Variants in NOS1 observed in about 807,000 individuals in gnomAD.
NOS1 encodes the protein nitric oxide synthase 1.
In NOS1, 51 loss-of-function variants were observed where a neutral mutation model predicts 164.5. The ratio of observed to expected loss-of-function variants is 0.31; its 90% confidence interval spans 0.25 to 0.39. The LOEUF is 0.39. NOS1 is among the 10% of genes least tolerant of loss of function. The pLI is 1.00. For missense variants in NOS1, 1,362 were observed against 1,885.6 expected (o/e 0.72, Z 5.14); for synonymous variants, 719 against 745.8 (o/e 0.96, Z 0.59).
chr12:117,223,724 G>A (rs992356202), intron 25 of NOS1, among the ~76,000 whole-genome samples: 1 of 151,874 alleles, frequency 6.6e-6, no homozygotes, highest in Non-Finnish European at 1.5e-5. Context: ...GCACTATCTC[G>A]GCTCACTGCA....
At position 117,227,477 on chromosome 12, in the gene NOS1, A is replaced by G. The variant is rs1868803036; in HGVS notation, c.3570T>C (p.Pro1190=). ...YSISSSPDMY[P]DEVHLTVAIV... ...TGGCCACAGTGAGGTGCACTTCATC[A>G]GGGTACATGTCTGGGGAGGAGCTGA... Residue 1190 remains proline (P), a synonymous_variant, in exon 23 of 29, where the codon CCT becomes CCC. Transcript: ENST00000317775. 6.2e-7 allele frequency: 1 copy of G among 1,613,502 alleles called. No individual in the cohort carries two copies.
chr12:117,330,293 C>G lies in NOS1; in HGVS notation c.725+52G>C. On this transcript the variant is annotated intron_variant, in intron 2 of 28. Transcript: ENST00000317775. This position sits in a 1 kb window ranked among gnomAD's most constrained non-coding sequence, Gnocchi z 4.6. ...CTCAGTAGACGCACATGCACACACA[C>G]AAGCATGCACACACACACACACACA... 6.8e-7 allele frequency: 1 copy of G among 1,464,574 alleles called. No homozygotes were observed. The highest frequency in any genetic ancestry group is 9.0e-7 in the Non-Finnish European group (1 of 1,107,102). 90.7% of individuals were successfully genotyped at this position (1,464,574 alleles called of 1,614,324 possible). A position where few individuals can be genotyped will look rare whatever the true frequency, so the allele number is the denominator to read the frequency against.
chr12:117,318,168 TCA>T (rs141152337), intron 2 of NOS1, among the ~76,000 whole-genome samples: 6 of 151,602 alleles, frequency 4.0e-5, no homozygotes, highest in East Asian at 3.9e-4. Context: ...ACAGACCCTG[TCA>T]CACACACACA....
chr12:117,293,081 G>A (rs563151846), intron 3 of NOS1, among the ~76,000 whole-genome samples: 49 of 152,316 alleles, frequency 3.2e-4, no homozygotes, highest in Non-Finnish European at 5.1e-4. Flanking sequence ...CCTGAGTTAA[G>A]AGAACTATCA....
intron 3 of NOS1, among the ~76,000 whole-genome samples, chr12:117,297,929 A>G (rs1566064552): frequency 6.6e-6 from 1 of 152,012 alleles, no homozygotes; most frequent in Non-Finnish European, 1.5e-5. Context: ...AAGACATACA[A>G]CATCTTAGGA....
intron 13 of NOS1, among the ~76,000 whole-genome samples, chr12:117,261,774 G>A (rs1251872640): frequency 2.0e-5 from 3 of 152,204 alleles, no homozygotes; most frequent in African/African-American, 7.2e-5. Context: ...TCAACAGAGT[G>A]AGACTTTGTC....
chr12:117,227,465 G>A lies in NOS1; in HGVS notation c.3582C>T (p.His1194=). The A allele has an allele frequency of 6.2e-7, 1 of 1,613,794 alleles. No individual in the cohort carries two copies. The highest frequency in any genetic ancestry group is 8.5e-7 in the Non-Finnish European group (1 of 1,179,938). ...GGTAGGAAACGATGGCCACAGTGAG[G>A]TGCACTTCATCAGGGTACATGTCTG... The part of the protein sequence containing the change: ...SSPDMYPDEV[H]LTVAIVSYRT... Residue 1194 remains histidine (H), a synonymous_variant, in exon 23 of 29, where the codon CAC becomes CAT. Coordinates refer to ENST00000317775, the MANE Select transcript of NOS1 (RefSeq NM_000620.5).
At chr12:117,262,488 GGAGAGA>G (rs71099035) in intron 13 of NOS1, among the ~76,000 whole-genome samples, 1 of 118,524 alleles carries the variant, frequency 8.4e-6, no homozygotes, top group African/African-American at 3.7e-5. Context: ...AGGGGGAGGG[GGAGAGA>G]GAGAGAGAGA....
chr12:117,210,166 A>G lies in NOS1; in HGVS notation c.*5143T>C. ...TTTTTTTTTTTTTTTTTTTTAGTAGAGACGAGATTGCGCTGTGTTGCCCAA... is the reference window on the plus strand; with the variant it reads ...TTTTTTTTTTTTTTTTTTTTAGTAGGGACGAGATTGCGCTGTGTTGCCCAA... On this transcript the variant is annotated 3_prime_UTR_variant, in exon 29 of 29. Coordinates refer to ENST00000317775, the MANE Select transcript of NOS1 (RefSeq NM_000620.5). The G allele has an allele frequency of 2.4e-6, 1 of 411,170 alleles. No individual in the cohort carries two copies. Among genetic ancestry groups the G allele is most frequent in the Non-Finnish European group, 3.2e-6 (1 of 308,926 alleles). The allele number at this position is 411,170 out of a possible 1,614,324, so 25.5% of individuals were successfully genotyped here. A position where few individuals can be genotyped will look rare whatever the true frequency, so the allele number is the denominator to read the frequency against.
chr12:117,221,237 C>T (rs908722468), intron 26 of NOS1, among the ~76,000 whole-genome samples: 1 of 151,122 alleles, frequency 6.6e-6, no homozygotes. Flanking sequence ...ACTACAACCT[C>T]CGCCTCCCAG....
At chr12:117,349,096 G>A (rs1201291968) in intron 1 of NOS1, among the ~76,000 whole-genome samples, 1 of 152,226 alleles carries the variant, frequency 6.6e-6, no homozygotes, top group Non-Finnish European at 1.5e-5. Context: ...TTCAAAAAAT[G>A]AGTATCAGTA....
At chr12:117,350,552 A>C (rs1355902443) in intron 1 of NOS1, among the ~76,000 whole-genome samples, 1 of 152,204 alleles carries the variant, frequency 6.6e-6, no homozygotes. Flanking sequence ...TGCCTGATTT[A>C]TTTTAAGGAT....
chr12:117,331,010 G>A lies in NOS1; in HGVS notation c.60C>T (p.Leu20=). 6.2e-7 allele frequency: 1 copy of A among 1,614,196 alleles called. No individual in the cohort carries two copies. The highest frequency in any genetic ancestry group is 8.5e-7 in the Non-Finnish European group (1 of 1,180,030). Residue 20 remains leucine, a synonymous_variant, in exon 2 of 29, where the codon CTC becomes CTT. Coordinates refer to ENST00000317775, the MANE Select transcript of NOS1 (RefSeq NM_000620.5). ...CCAGGCCCCCAACTTTGCGCTTGAAGAGACGAACAGAAATGACATTGGGCT... is the reference window on the plus strand; with the variant it reads ...CCAGGCCCCCAACTTTGCGCTTGAAAAGACGAACAGAAATGACATTGGGCT... ...QIQPNVISVR[L]FKRKVGGLGF... is the part of the protein sequence containing the mutation.
chr12:117,297,113 C>T (rs1040465725), intron 3 of NOS1, among the ~76,000 whole-genome samples: 4 of 152,198 alleles, frequency 2.6e-5, no homozygotes, highest in Admixed American at 6.5e-5. Context: ...AGGATGTTGG[C>T]CTTGATTTCA....
chr12:117,302,137 T>C (rs12811583), intron 3 of NOS1: 71,115 of 456,394 alleles, frequency 0.16, 6,491 homozygotes, highest in East Asian at 0.27. Flanking sequence ...AGCCATGGAC[T>C]TAAAGTGCTT....
chr12:117,249,320 C>T (rs542116249), intron 17 of NOS1, among the ~76,000 whole-genome samples: 15 of 152,258 alleles, frequency 9.9e-5, no homozygotes, highest in African/African-American at 2.4e-4. Flanking sequence ...TTCTAAGTAT[C>T]GCCATCATCA....
At chr12:117,352,774 G>T (rs534720896) in intron 1 of NOS1, among the ~76,000 whole-genome samples, 1 of 152,142 alleles carries the variant, frequency 6.6e-6, no homozygotes, top group South Asian at 2.1e-4. Context: ...ACATGTATTC[G>T]TGTGTGGGAG....
Position 117,209,624 on chromosome 12 carries a change from T to C in NOS1, c.*5685A>G, listed in dbSNP as rs1956497471. 1.1e-5 allele frequency: 11 copies of C among 985,502 alleles called. No homozygotes were observed. Among genetic ancestry groups the C allele is most frequent in the African/African-American group, 3.5e-5 (2 of 57,386 alleles). 61.0% of individuals were successfully genotyped at this position (985,502 alleles called of 1,614,324 possible). Reference sequence around the variant, plus strand: ...TATTTTAGAACAAAACAAACTCATATAAACATACTAAGGCATATTGACAGC... The same window carrying C: ...TATTTTAGAACAAAACAAACTCATACAAACATACTAAGGCATATTGACAGC... On this transcript the variant is annotated 3_prime_UTR_variant, in exon 29 of 29. Coordinates refer to ENST00000317775, the MANE Select transcript of NOS1 (RefSeq NM_000620.5).
At chr12:117,233,861 C>T (rs532509231) in intron 21 of NOS1, among the ~76,000 whole-genome samples, 18 of 150,908 alleles carry the variant, frequency 1.2e-4, no homozygotes, top group Admixed American at 1.1e-3. Context: ...GTAGTGCCTT[C>T]CTGAGAGGTT....
Sources: allele counts gnomAD v4.1 joint callset (sites outside exome capture counted in the v4.1 genomes callset), GRCh38; gene constraint gnomAD v4.1.1; non-coding constraint Gnocchi (gnomAD v3.1); transcripts MANE v1.5; gene names NCBI Gene and HGNC (gene_info 2026-07-23, HGNC 2026-07-21).